The following HAL variants were observed in gnomAD, a reference collection of about 807,000 sequenced individuals.
HAL encodes histidine ammonia-lyase.
HAL carries 85 observed loss-of-function variants against 81.1 expected under a neutral mutation model. The ratio of observed to expected loss-of-function variants is 1.05; its 90% confidence interval spans 0.88 to 1.25. The LOEUF (loss-of-function observed/expected upper bound fraction) is 1.25. HAL is among the 50% of genes most tolerant of loss of function. HAL has a pLI of 0.00. For missense variants in HAL, 798 were observed against 836.6 expected (o/e 0.95, Z 0.57); for synonymous variants, 301 against 309.2 (o/e 0.97, Z 0.28).
intron 20 of HAL, chr12:95,976,158 A>AT (rs1310035700): frequency 1.1e-5 from 5 of 473,152 alleles, no homozygotes; most frequent in African/African-American, 4.0e-5. Context: ...CTGACATCTT[A>AT]TTTTTTTCCC....
At chr12:95,975,564 A>G (rs1211138928) in intron 20 of HAL, among the ~76,000 whole-genome samples, 3 of 151,974 alleles carry the variant, frequency 2.0e-5, no homozygotes, top group African/African-American at 4.8e-5. Flanking sequence ...TTTTTGGTTT[A>G]TATCTGCTTT....
chr12:95,975,989 C>G (rs1177458353), intron 20 of HAL: 1 of 328,128 alleles, frequency 3.0e-6, no homozygotes, highest in Non-Finnish European at 5.9e-6. Flanking sequence ...ACTAGACAGA[C>G]CGAAAGTCTT....
At chr12:95,987,319 A>T (rs1295164431) in intron 11 of HAL, 105 bp from the exon 12 acceptor site, 2 of 912,610 alleles carry the variant, frequency 2.2e-6, no homozygotes, top group African/African-American at 3.3e-5. Flanking sequence ...TTAGCCAGTC[A>T]TAAACATAAA....
chr12:95,974,140 A>G lies in HAL; in HGVS notation c.*92T>C. On this transcript the variant is annotated 3_prime_UTR_variant, in exon 21 of 21. Transcript: ENST00000261208. ...ACTGAATGATACAATGGATTGATCTACCTAGGAAAGTTCTCAGGTCTCTCC... is the reference window on the plus strand; with the variant it reads ...ACTGAATGATACAATGGATTGATCTGCCTAGGAAAGTTCTCAGGTCTCTCC... 1 of 1,078,396 alleles carries G rather than the reference A, an allele frequency of 9.3e-7. No individual in the cohort carries two copies. The highest frequency in any genetic ancestry group is 1.4e-6 in the Non-Finnish European group (1 of 691,420). 66.8% of individuals were successfully genotyped at this position (1,078,396 alleles called of 1,614,324 possible).
In HAL at chr12:95,977,965, C is replaced by T. The variant is rs764203084; in HGVS notation, c.1633G>A (p.Val545Ile). The T allele has an allele frequency of 2.5e-6, 4 of 1,614,176 alleles. No individual in the cohort carries two copies. The highest frequency in any genetic ancestry group is 3.4e-6 in the Non-Finnish European group (4 of 1,180,036). The change falls in exon 18 of 21, where the codon GTC (valine) becomes ATC (isoleucine). Residue 545 changes from valine to isoleucine, a missense_variant. By Grantham distance (29) the Val-to-Ile change is conservative (BLOSUM62 3). Transcript: ENST00000261208. ...GGWAARKALR[V>I]IEHVEQVLAI... ...TTACCTTGCTCCACATGCTCGATGA[C>T]CCTGAGGGCTTTCCTTGCTGCCCAT...
intron 8 of HAL, 128 bp from the exon 9 acceptor site, chr12:95,992,933 A>C (rs1167641081): frequency 2.4e-6 from 2 of 834,982 alleles, no homozygotes; most frequent in Non-Finnish European, 4.0e-6. Flanking sequence ...CTCTCGGCTC[A>C]GGTAGTTGGA....
intron 18 of HAL, among the ~76,000 whole-genome samples, chr12:95,977,341 A>G (rs1171880431): frequency 6.6e-6 from 1 of 151,554 alleles, no homozygotes; most frequent in East Asian, 2.0e-4. Flanking sequence ...GTGAGAGTTC[A>G]TGGTACTCTT....
chr12:95,986,124 T>G lies in HAL; in HGVS notation c.1088A>C (p.Glu363Ala). ...HALRPHRGQI[E>A]VAFRFRSLLD... Reference sequence around the variant, plus strand: ...GAGTGACCGAAACCGAAAAGCAACTTCAATTTGCCCACGGTGAGGTCGAAG... The same window carrying G: ...GAGTGACCGAAACCGAAAAGCAACTGCAATTTGCCCACGGTGAGGTCGAAG... Residue 363 changes from glutamate to alanine, a missense_variant, in exon 13 of 21, where the codon GAA (glutamate) becomes GCA (alanine). Transcript: ENST00000261208. The G allele has an allele frequency of 6.2e-7, 1 of 1,611,950 alleles. No individual in the cohort carries two copies. The highest frequency in any genetic ancestry group is 8.5e-7 in the Non-Finnish European group (1 of 1,177,968).
At chr12:95,989,371 G>A (rs1200822998) in intron 10 of HAL, among the ~76,000 whole-genome samples, 2 of 152,150 alleles carry the variant, frequency 1.3e-5, no homozygotes, top group Non-Finnish European at 2.9e-5. Flanking sequence ...ATGTAGAGGC[G>A]GAGCCTCGCT....
intron 14 of HAL, among the ~76,000 whole-genome samples, chr12:95,985,043 A>C (rs1456272619): frequency 6.6e-6 from 1 of 152,218 alleles, no homozygotes; most frequent in Non-Finnish European, 1.5e-5. Context: ...ATGCCAACCC[A>C]GGTCATCTGC....
At chr12:95,990,256 T>C in intron 10 of HAL, 137 bp downstream of exon 10, 1 of 780,722 alleles carries the variant, frequency 1.3e-6, no homozygotes, top group Non-Finnish European at 2.3e-6. Flanking sequence ...AAGCTTTCGC[T>C]GTCTCATCTG....
intron 20 of HAL, among the ~76,000 whole-genome samples, chr12:95,975,355 T>C (rs1000331925): frequency 1.4e-5 from 2 of 148,026 alleles, no homozygotes; most frequent in African/African-American, 2.6e-5. Flanking sequence ...TTCTTTTTTT[T>C]TTTTTTTCTT....
In HAL at chr12:95,987,196, C is replaced by T. The variant is rs1383413458; in HGVS notation, c.922G>A (p.Gly308Arg). Residue 308 changes from glycine (G) to arginine (R), a missense_variant, in exon 12 of 21, where the codon GGG (glycine) becomes AGG (arginine). Gly to Arg is a moderately radical substitution (Grantham distance 125). Transcript: ENST00000261208. ...CCCAGGGATGTGATCATCTGCGTCC[C>T]ATTGATGAGTGCCAGGCCCTGTCGG... ...KPKEGLALIN[G>R]TQMITSLGCE... The T allele has an allele frequency of 2.5e-6, 4 of 1,613,918 alleles. No individual in the cohort carries two copies. Among genetic ancestry groups the T allele is most frequent in the Admixed American group, 1.7e-5 (1 of 60,010 alleles).
chr12:95,996,022 C>T, intron 1 of HAL, 31 bp from the exon 2 acceptor site: 2 of 994,418 alleles, frequency 2.0e-6, no homozygotes, highest in Non-Finnish European at 3.1e-6. Context: ...TTTCAAACCA[C>T]TCCCCCTCCT....
At chr12:95,976,891 T>A (rs1446046416) in intron 18 of HAL, among the ~76,000 whole-genome samples, 185 bp from the exon 19 acceptor site, 1 of 152,212 alleles carries the variant, frequency 6.6e-6, no homozygotes, top group Non-Finnish European at 1.5e-5. Flanking sequence ...ACCCCTTGAC[T>A]ATATCTTTAA....
chr12:95,986,230 A>T, intron 12 of HAL, 70 bp from the exon 13 acceptor site: 1 of 913,350 alleles, frequency 1.1e-6, no homozygotes. Flanking sequence ...TGGGGGTCTC[A>T]CTACGTTCCC....
intron 15 of HAL, among the ~76,000 whole-genome samples, chr12:95,981,664 T>C (rs1190259916): frequency 6.6e-6 from 1 of 152,228 alleles, no homozygotes; most frequent in Non-Finnish European, 1.5e-5. Context: ...TTTGCCATGT[T>C]GGCCAGGCTG....
In HAL at chr12:95,974,191, AACTG is replaced by A; in HGVS notation, c.*37_*40del. 6.3e-7 allele frequency: 1 copy of A among 1,590,114 alleles called. No homozygotes were observed. Among genetic ancestry groups the A allele is most frequent in the Non-Finnish European group, 8.6e-7 (1 of 1,158,048 alleles). ...TTCAGCCTAGTATTGCTTTGTGCTA[AACTG>A]ACTGCCCTCTCATCTGCTACTTCAT... On this transcript the variant is annotated 3_prime_UTR_variant, in exon 21 of 21. Coordinates refer to ENST00000261208, the MANE Select transcript of HAL (RefSeq NM_002108.4).
chr12:95,993,339 T>A, intron 8 of HAL, 112 bp downstream of exon 8: 3 of 803,068 alleles, frequency 3.7e-6, no homozygotes, highest in Non-Finnish European at 2.3e-6. Context: ...GTTCTTGAAA[T>A]GCTGTTTTGA....
Sources: gnomAD v4.1 joint callset for allele counts (sites outside exome capture counted in the v4.1 genomes callset) on GRCh38, gnomAD v4.1.1 for gene constraint, MANE v1.5 for transcripts, NCBI Gene and HGNC (gene_info 2026-07-23, HGNC 2026-07-21) for gene names.